Variants in ZSCAN5A observed in about 807,000 individuals in gnomAD.
The protein encoded by ZSCAN5A is zinc finger and SCAN domain containing 5A.
Under a neutral mutation model 23.7 loss-of-function variants are expected in ZSCAN5A, and 12 were observed. The observed-to-expected ratio is 0.51, with a 90% CI of 0.32 to 0.82. ZSCAN5A has a LOEUF of 0.82. Ranked by LOEUF, ZSCAN5A falls within the 40% of genes least tolerant of loss-of-function variation. The pLI is 0.03. For missense variants in ZSCAN5A, 597 were observed against 617.9 expected (o/e 0.97, Z 0.36); for synonymous variants, 257 against 239.9 (o/e 1.07, Z -0.66).
intron 2 of ZSCAN5A, among the ~76,000 whole-genome samples, chr19:56,262,030 CT>C (rs1441021356): frequency 2.0e-5 from 3 of 151,590 alleles, no homozygotes; most frequent in East Asian, 1.9e-4. Context: ...ACTTTTCTAA[CT>C]TTTTTTTTGA....
At chr19:56,325,385 G>A (rs955174929) in intron 2 of ZSCAN5A, among the ~76,000 whole-genome samples, 1 of 152,144 alleles carries the variant, frequency 6.6e-6, no homozygotes, top group African/African-American at 2.4e-5. Flanking sequence ...AGATTTGGGT[G>A]GGGACACAGC....
intron 2 of ZSCAN5A, chr19:56,340,965 A>C (rs927833412): frequency 2.0e-5 from 3 of 152,210 alleles, no homozygotes; most frequent in African/African-American, 7.2e-5. Context: ...TCATTGACAG[A>C]ATGGGATTGT....
At chr19:56,242,522 C>G (rs113365771) in intron 2 of ZSCAN5A, among the ~76,000 whole-genome samples, 66 of 152,292 alleles carry the variant, frequency 4.3e-4, no homozygotes, top group African/African-American at 1.5e-3. Context: ...GTGTTCTGTA[C>G]TTGCTCAGAT....
At chr19:56,246,938 C>A (rs1236163921) in intron 2 of ZSCAN5A, 3 of 1,574,524 alleles carry the variant, frequency 1.9e-6, no homozygotes, top group African/African-American at 1.4e-5. Flanking sequence ...CAAGGAGGAG[C>A]CACACCTGTG....
chr19:56,255,841 C>T (rs1268622709), intron 2 of ZSCAN5A, among the ~76,000 whole-genome samples: 4 of 152,122 alleles, frequency 2.6e-5, no homozygotes, highest in African/African-American at 9.7e-5. Flanking sequence ...TCTGAGGAGG[C>T]AGAAAACATG....
At chr19:56,266,760 T>G (rs1483519450) in intron 2 of ZSCAN5A, 2 of 152,386 alleles carry the variant, frequency 1.3e-5, no homozygotes, top group Non-Finnish European at 2.9e-5. Context: ...ATTACAGGCG[T>G]GAGCCACGGT....
chr19:56,336,814 C>G (rs1600290829), intron 2 of ZSCAN5A, among the ~76,000 whole-genome samples: 1 of 152,342 alleles, frequency 6.6e-6, no homozygotes, highest in East Asian at 1.9e-4. Flanking sequence ...TCAGGACCCT[C>G]AGCTGCAGGT....
At chr19:56,288,456 C>T (rs2039286067) in intron 2 of ZSCAN5A, among the ~76,000 whole-genome samples, 1 of 152,206 alleles carries the variant, frequency 6.6e-6, no homozygotes, top group South Asian at 2.1e-4. Flanking sequence ...ACCATCACCC[C>T]CTTATAGGTT....
chr19:56,301,871 G>T, intron 2 of ZSCAN5A: 2 of 1,223,244 alleles, frequency 1.6e-6, no homozygotes, highest in South Asian at 8.5e-5. Flanking sequence ...GCAGAGATGT[G>T]AGTTTGGAGA....
chr19:56,342,546 T>A (rs2041601090), intron 2 of ZSCAN5A: 1 of 335,606 alleles, frequency 3.0e-6, no homozygotes, highest in African/African-American at 2.2e-5. Flanking sequence ...ACCCACTTTA[T>A]CAGCCAAGGT....
chr19:56,362,440 G>A (rs2041739904), intron 2 of ZSCAN5A, among the ~76,000 whole-genome samples: 1 of 152,062 alleles, frequency 6.6e-6, no homozygotes, highest in Non-Finnish European at 1.5e-5. Context: ...ATGGAGGCAT[G>A]CGCCTGTAAT....
chr19:56,353,739 G>A (rs1047592345), intron 2 of ZSCAN5A, among the ~76,000 whole-genome samples: 21 of 152,136 alleles, frequency 1.4e-4, no homozygotes, highest in Middle Eastern at 6.8e-3. Context: ...CCGAGATCGT[G>A]CCACTGCACT....
chr19:56,360,604 T>C (rs2041728073), intron 2 of ZSCAN5A, among the ~76,000 whole-genome samples: 1 of 152,112 alleles, frequency 6.6e-6, no homozygotes, highest in Non-Finnish European at 1.5e-5. Flanking sequence ...TATTTAAAAA[T>C]GATGTTGGGA....
Position 56,354,094 on chromosome 19 carries a change from T to C in ZSCAN5A, c.-358+9141A>G, listed in dbSNP as rs1350390877. ...GAGGTACCTGGTATAGAAATATTCATAGAGAGGGAAAGTAGTGTGGTGGTT... is the reference window on the plus strand; with the variant it reads ...GAGGTACCTGGTATAGAAATATTCACAGAGAGGGAAAGTAGTGTGGTGGTT... On this transcript the variant is annotated intron_variant, in intron 2 of 6. Transcript: ENST00000587340. 2.6e-5 allele frequency among the ~76,000 whole-genome samples: 4 copies of C among 152,090 alleles called. No homozygotes were observed. The East Asian group carries it at 5.8e-4, about 22-fold the overall frequency.
At chr19:56,256,424 G>C (rs2036696389) in intron 2 of ZSCAN5A, among the ~76,000 whole-genome samples, 1 of 152,088 alleles carries the variant, frequency 6.6e-6, no homozygotes, top group African/African-American at 2.4e-5. Context: ...GAACTCCTGA[G>C]CTCAAGTGAT....
chr19:56,351,853 T>C lies in ZSCAN5A; in HGVS notation c.-358+11382A>G, dbSNP rs139573357. On this transcript the variant is annotated intron_variant, in intron 2 of 6. Coordinates refer to the ZSCAN5A transcript ENST00000587340. This position sits in a 1 kb window ranked among gnomAD's most constrained non-coding sequence, Gnocchi z 4.8. ...ACCTGGGAAGACTGTGGTGTTTCTT[T>C]AGATGGCTGGTGGATCTATCTGGAT... Among the ~76,000 whole-genome samples, 58 of 152,278 alleles carry C rather than the reference T, an allele frequency of 3.8e-4. No homozygotes were observed. The highest frequency in any genetic ancestry group is 1.2e-3 in the African/African-American group (51 of 41,556).
At chr19:56,358,536 A>G (rs192638226) in intron 2 of ZSCAN5A, among the ~76,000 whole-genome samples, 8 of 152,254 alleles carry the variant, frequency 5.3e-5, no homozygotes, top group African/African-American at 1.2e-4. Context: ...GAAAATTTAG[A>G]AAGATATTCA....
At chr19:56,280,377 T>C (rs2038600375) in intron 2 of ZSCAN5A, among the ~76,000 whole-genome samples, 2 of 152,180 alleles carry the variant, frequency 1.3e-5, no homozygotes, top group African/African-American at 4.8e-5. Flanking sequence ...TTGTTTTCAG[T>C]AGTTTGCTCT....
intron 2 of ZSCAN5A, among the ~76,000 whole-genome samples, chr19:56,269,307 T>C (rs769538237): frequency 1.2e-4 from 18 of 152,214 alleles, no homozygotes; most frequent in Non-Finnish European, 2.4e-4. Flanking sequence ...TTCACAATTA[T>C]ATGGCATAAT....
Sources: allele counts gnomAD v4.1 joint callset (sites outside exome capture counted in the v4.1 genomes callset), GRCh38; gene constraint gnomAD v4.1.1; non-coding constraint Gnocchi (gnomAD v3.1); transcripts MANE v1.5; gene names NCBI Gene and HGNC (gene_info 2026-07-23, HGNC 2026-07-21).